SMCHD1: variants seen among roughly 807,000 people sequenced by gnomAD.
The protein encoded by SMCHD1 is structural maintenance of chromosomes flexible hinge domain-containing protein 1.
Under a neutral mutation model 254.7 loss-of-function variants are expected in SMCHD1, and 78 were observed. The observed-to-expected ratio is 0.31, with a 90% CI of 0.26 to 0.37. SMCHD1 has a LOEUF of 0.37. Ranked by LOEUF, SMCHD1 falls within the 10% of genes least tolerant of loss-of-function variation. The pLI is 1.00. For missense variants in SMCHD1, 1,840 were observed against 2,408.1 expected (o/e 0.76, Z 4.94); for synonymous variants, 766 against 794.9 (o/e 0.96, Z 0.61).
At chr18:2,656,867 G>C (rs73380269) in intron 1 of SMCHD1, among the ~76,000 whole-genome samples, 3,888 of 152,268 alleles carry the variant, frequency 0.026, 148 homozygotes, top group African/African-American at 0.088. Flanking sequence ...CCTTCTGCCT[G>C]TCTGAGCCCT....
Position 2,803,925 on chromosome 18 carries a change from A to G in SMCHD1, c.*1373A>G, listed in dbSNP as rs746107972. The G allele has an allele frequency of 2.6e-5, 4 of 152,158 alleles. No individual in the cohort carries two copies. The highest frequency in any genetic ancestry group is 4.4e-5 in the Non-Finnish European group (3 of 68,010). 9.4% of individuals were successfully genotyped at this position (152,158 alleles called of 1,614,324 possible). A position where few individuals can be genotyped will look rare whatever the true frequency, so the allele number is the denominator to read the frequency against. ...TTTACCAATTTAGCATCCCTAATCC[A>G]AAAATCTTTCATTAGAAATTGGAAA... On this transcript the variant is annotated 3_prime_UTR_variant, in exon 48 of 48. Coordinates refer to ENST00000320876, the MANE Select transcript of SMCHD1 (RefSeq NM_015295.3).
intron 17 of SMCHD1, among the ~76,000 whole-genome samples, chr18:2,708,886 A>ATG (rs1568198312): frequency 5.5e-5 from 4 of 72,334 alleles, no homozygotes; most frequent in South Asian, 1.1e-3. Flanking sequence ...ATATATATAT[A>ATG]TATATATATA....
At chr18:2,759,958 G>T (rs2075757739) in intron 34 of SMCHD1, among the ~76,000 whole-genome samples, 1 of 152,312 alleles carries the variant, frequency 6.6e-6, no homozygotes, top group South Asian at 2.1e-4. Flanking sequence ...CTTCAAGGTT[G>T]CATAGATGTT....
At chr18:2,656,320 G>C in intron 1 of SMCHD1, 59 bp downstream of exon 1, 1 of 1,366,782 alleles carries the variant, frequency 7.3e-7, no homozygotes, top group Non-Finnish European at 9.5e-7. Flanking sequence ...AGGGTGATGA[G>C]AAACTCAACT....
chr18:2,804,164 A>C lies in SMCHD1; in HGVS notation c.*1612A>C, dbSNP rs1598470498. ...AGGAACTAGACTTGAACGTATAATT[A>C]ATATGTGGAACTAGTTTGCTTTTAT... On this transcript the variant is annotated 3_prime_UTR_variant, in exon 48 of 48. Transcript: ENST00000320876. 2 of 152,362 alleles carry C rather than the reference A, an allele frequency of 1.3e-5. No individual in the cohort carries two copies. The highest frequency in any genetic ancestry group is 1.3e-4 in the Admixed American group (2 of 15,300). 9.4% of individuals were successfully genotyped at this position (152,362 alleles called of 1,614,324 possible). A position where few individuals can be genotyped will look rare whatever the true frequency, so the allele number is the denominator to read the frequency against.
At chr18:2,702,306 A>G (rs546195919) in intron 12 of SMCHD1, 2 of 149,990 alleles carry the variant, frequency 1.3e-5, no homozygotes, top group South Asian at 4.2e-4. Flanking sequence ...AAAAAAAAAA[A>G]AAGAAGGAAA....
chr18:2,755,565 CTT>C (rs11413061), intron 34 of SMCHD1, among the ~76,000 whole-genome samples: 296 of 108,142 alleles, frequency 2.7e-3, no homozygotes, highest in African/African-American at 0.011. Context: ...TTCTTTCTTT[CTT>C]TTTTTTTTTT....
chr18:2,775,832 C>T lies in SMCHD1; in HGVS notation c.5274C>T (p.Asp1758=), dbSNP rs377503335. The T allele has an allele frequency of 2.2e-5, 35 of 1,612,440 alleles. No individual in the cohort carries two copies. In the South Asian group the frequency reaches 2.4e-4, roughly 11 times the overall value. Residue 1758 remains aspartate (D), a synonymous_variant, in exon 42 of 48, where the codon GAC becomes GAT. Coordinates refer to ENST00000320876, the MANE Select transcript of SMCHD1 (RefSeq NM_015295.3). ...ACTGTGTAGTCACCCTAACCACTGA[C>T]GCTGCACGTCGTATCTATGATGAAA... is the stretch of plus-strand genomic sequence containing the variant. ...DMDCVVTLTT[D]AARRIYDETQ... is the part of the protein sequence containing the mutation.
At chr18:2,731,485 T>C (rs2075139052) in intron 24 of SMCHD1, among the ~76,000 whole-genome samples, 1 of 152,192 alleles carries the variant, frequency 6.6e-6, no homozygotes, top group Admixed American at 6.5e-5. Context: ...AGGCCTTCTC[T>C]GGCTATAAAC....
intron 34 of SMCHD1, among the ~76,000 whole-genome samples, chr18:2,755,405 C>T (rs962162627): frequency 2.0e-5 from 3 of 152,016 alleles, no homozygotes; most frequent in Non-Finnish European, 4.4e-5. Flanking sequence ...AAGCAATCCT[C>T]CCACCTCAGC....
chr18:2,771,742 C>A (rs1349268918), intron 40 of SMCHD1, 124 bp downstream of exon 40: 1 of 654,690 alleles, frequency 1.5e-6, no homozygotes, highest in Non-Finnish European at 2.4e-6. Context: ...CGTGCATTAT[C>A]GTCACTAGAC....
chr18:2,761,956 A>G, intron 35 of SMCHD1, 149 bp from the exon 36 acceptor site: 1 of 648,698 alleles, frequency 1.5e-6, no homozygotes, highest in South Asian at 3.8e-5. Flanking sequence ...TTAAAAGCAA[A>G]TTGATTACTT....
chr18:2,761,223 GACACAAAGATGGGAACAGTAAACGCT>G (rs2075777259), intron 35 of SMCHD1, among the ~76,000 whole-genome samples: 1 of 152,138 alleles, frequency 6.6e-6, no homozygotes, highest in Non-Finnish European at 1.5e-5. Flanking sequence ...GGTACACACG[GACACAAAGATGGGAACAGTAAACGCT>G]GGGGATTGCA....
chr18:2,770,124 T>C lies in SMCHD1; in HGVS notation c.4966+16T>C. ...GAAATGAAATGTAAGTCATTTTGTA[T>C]TCAAGACAAAAATTATGCTTTGGGG... On this transcript the variant is annotated intron_variant, in intron 39 of 47. Transcript: ENST00000320876. 1.3e-6 allele frequency: 2 copies of C among 1,595,888 alleles called. No homozygotes were observed. The highest frequency in any genetic ancestry group is 1.7e-6 in the Non-Finnish European group (2 of 1,175,572).
intron 45 of SMCHD1, among the ~76,000 whole-genome samples, chr18:2,790,748 G>A (rs1449113637): frequency 2.0e-5 from 3 of 152,158 alleles, no homozygotes; most frequent in Admixed American, 6.5e-5. Flanking sequence ...GCAACAGAGC[G>A]AGATTCCATC....
At chr18:2,658,353 G>T (rs1034859780) in intron 1 of SMCHD1, among the ~76,000 whole-genome samples, 3 of 152,192 alleles carry the variant, frequency 2.0e-5, no homozygotes, top group Non-Finnish European at 4.4e-5. Flanking sequence ...CGTGGAAATG[G>T]TGACTCATTA....
chr18:2,798,678 A>G (rs1314336147), intron 47 of SMCHD1, among the ~76,000 whole-genome samples: 2 of 152,254 alleles, frequency 1.3e-5, no homozygotes, highest in African/African-American at 4.8e-5. Context: ...GTGGCAGAGG[A>G]TATCAAAATA....
At position 2,655,818 on chromosome 18, in the gene SMCHD1, C is replaced by T; in HGVS notation, c.-258C>T. ...GGCCCGGGCCCGGTGAGGAGCGCGC[C>T]GCGCGTCCCCTTCTCCTCAGGAGTG... On this transcript the variant is annotated 5_prime_UTR_variant, in exon 1 of 48. Coordinates refer to ENST00000320876, the MANE Select transcript of SMCHD1 (RefSeq NM_015295.3). 1 of 322,844 alleles carries T rather than the reference C, an allele frequency of 3.1e-6. No individual in the cohort carries two copies. The highest frequency in any genetic ancestry group is 5.6e-6 in the Non-Finnish European group (1 of 177,724). The allele number at this position is 322,844 out of a possible 1,614,324, so 20.0% of individuals were successfully genotyped here. A position where few individuals can be genotyped will look rare whatever the true frequency, so the allele number is the denominator to read the frequency against.
intron 34 of SMCHD1, among the ~76,000 whole-genome samples, chr18:2,755,406 C>T (rs971910652): frequency 2.6e-5 from 4 of 151,972 alleles, no homozygotes; most frequent in Non-Finnish European, 5.9e-5. Context: ...AGCAATCCTC[C>T]CACCTCAGCC....
Sources: allele counts gnomAD v4.1 joint callset (sites outside exome capture counted in the v4.1 genomes callset), GRCh38; gene constraint gnomAD v4.1.1; transcripts MANE v1.5; gene names NCBI Gene and HGNC (gene_info 2026-07-23, HGNC 2026-07-21).